The following PPP1R7 variants were observed in gnomAD, a reference collection of about 807,000 sequenced individuals.
PPP1R7 encodes the protein protein phosphatase 1 regulatory subunit 22.
Under a neutral mutation model 45.2 loss-of-function variants are expected in PPP1R7, and 18 were observed. The ratio of observed to expected loss-of-function variants is 0.40; its 90% CI spans 0.28 to 0.59. The LOEUF is 0.59. Ranked by LOEUF, PPP1R7 falls within the 20% of genes least tolerant of loss-of-function variation. The pLI, the probability that PPP1R7 is intolerant of heterozygous loss-of-function variation, is 0.46. For synonymous variants in PPP1R7, 181 were observed against 183.4 expected (o/e 0.99, Z 0.11); for missense variants, 314 against 455.8 (o/e 0.69, Z 2.83).
intron 1 of PPP1R7, among the ~76,000 whole-genome samples, chr2:241,150,778 G>C (rs1351270160): frequency 6.6e-6 from 1 of 152,034 alleles, no homozygotes; most frequent in Non-Finnish European, 1.5e-5. Context: ...GGGGGAGAGC[G>C]GCGGCGCGAG....
At chr2:241,167,122 TG>T in intron 8 of PPP1R7, 1 of 1,563,118 alleles carries the variant, frequency 6.4e-7, no homozygotes, top group Non-Finnish European at 8.8e-7. Context: ...CAGCTCACCC[TG>T]CTCTGCCCCA....
chr2:241,169,475 A>T (rs2067777725), intron 8 of PPP1R7, among the ~76,000 whole-genome samples: 2 of 152,226 alleles, frequency 1.3e-5, no homozygotes, highest in Non-Finnish European at 2.9e-5. Flanking sequence ...CATCAGTCTC[A>T]CTAGGTCTGT....
At chr2:241,176,460 C>CTTTT (rs71404687) in intron 9 of PPP1R7, among the ~76,000 whole-genome samples, 1 of 142,948 alleles carries the variant, frequency 7.0e-6, no homozygotes, top group African/African-American at 2.6e-5. Flanking sequence ...TTTTTTCTTT[C>CTTTT]TTTTTTTTTT....
chr2:241,150,179 T>C (rs2067219207), upstream of PPP1R7: 48 of 1,276,402 alleles, frequency 3.8e-5, no homozygotes, highest in South Asian at 1.0e-3. Context: ...GTCTCTCCAC[T>C]CTGCCTAGAC....
intron 2 of PPP1R7, among the ~76,000 whole-genome samples, chr2:241,156,614 C>T (rs769053970): frequency 2.0e-5 from 3 of 152,142 alleles, no homozygotes; most frequent in Non-Finnish European, 4.4e-5. Context: ...TTCAAGGCTG[C>T]AGTGAGCTAT....
At chr2:241,162,059 G>A (rs555197784) in intron 6 of PPP1R7, among the ~76,000 whole-genome samples, 76 of 152,328 alleles carry the variant, frequency 5.0e-4, no homozygotes, top group African/African-American at 1.8e-3. Context: ...TTTGGCAACA[G>A]TCTCTTGACA....
At chr2:241,153,330 C>T in intron 1 of PPP1R7, 146 bp from the exon 2 acceptor site, 1 of 1,091,240 alleles carries the variant, frequency 9.2e-7, no homozygotes, top group South Asian at 1.5e-5. Flanking sequence ...GGTGCTGGGA[C>T]ATGGGAGACA....
At chr2:241,166,730 G>A (rs949801026) in intron 8 of PPP1R7, among the ~76,000 whole-genome samples, 3 of 152,166 alleles carry the variant, frequency 2.0e-5, no homozygotes, top group African/African-American at 7.2e-5. Flanking sequence ...CCTCAATGGG[G>A]CAGCATCCAT....
intron 9 of PPP1R7, among the ~76,000 whole-genome samples, chr2:241,173,502 ATT>A (rs1317378274): frequency 6.6e-6 from 1 of 151,614 alleles, no homozygotes; most frequent in Non-Finnish European, 1.5e-5. Flanking sequence ...ATTGTTTCTT[ATT>A]TTGTTTTGTT....
At position 241,182,834 on chromosome 2, in the gene PPP1R7, GCTC is replaced by G. The variant is rs527481900; in HGVS notation, c.*15_*17del. 193 of 1,604,692 alleles carry G rather than the reference GCTC, an allele frequency of 1.2e-4. 1 individual carries two copies. In the African/African-American group the frequency reaches 2.3e-3, roughly 19 times the overall value. On this transcript the variant is annotated 3_prime_UTR_variant, in exon 10 of 10. Transcript: ENST00000234038. ...TTCGTCAGGTTCTGAGTCCTTCTTG[GCTC>G]CTCATGTGGTCCCTCTCCTCGGAAG...
chr2:241,162,428 C>T (rs547465854), intron 6 of PPP1R7, among the ~76,000 whole-genome samples: 1 of 152,314 alleles, frequency 6.6e-6, no homozygotes, highest in African/African-American at 2.4e-5. Context: ...ATTAAACATC[C>T]TGCTGTAGGC....
At chr2:241,150,591 G>A (rs769607652) in intron 1 of PPP1R7, 44 bp downstream of exon 1, 7 of 1,564,416 alleles carry the variant, frequency 4.5e-6, no homozygotes, top group East Asian at 2.5e-5. Flanking sequence ...CCAGCGGGCG[G>A]GGGGAGCTGC....
intron 9 of PPP1R7, among the ~76,000 whole-genome samples, chr2:241,174,647 A>G (rs1333192281): frequency 6.6e-6 from 1 of 151,790 alleles, no homozygotes; most frequent in African/African-American, 2.4e-5. Context: ...TGTCTGATGT[A>G]TAAAAACAAT....
At chr2:241,157,960 G>T in intron 3 of PPP1R7, 98 bp downstream of exon 3, 1 of 1,286,848 alleles carries the variant, frequency 7.8e-7, no homozygotes. Context: ...TAGAGAGGTG[G>T]CCTAAGCCTC....
At position 241,157,793 on chromosome 2, in the gene PPP1R7, T is replaced by A. The variant is rs1323916189; in HGVS notation, c.182-14T>A. On this transcript the variant is annotated splice_polypyrimidine_tract_variant and intron_variant, in intron 2 of 9. Coordinates refer to ENST00000234038, the MANE Select transcript of PPP1R7 (RefSeq NM_002712.3). ...ATGGGGTTCTGAACAAATCTCTTTT[T>A]CTTATTTTTTCAGAAGAACATGAGC... 3.1e-6 allele frequency: 5 copies of A among 1,611,510 alleles called. No homozygotes were observed. Among genetic ancestry groups the A allele is most frequent in the Non-Finnish European group, 4.2e-6 (5 of 1,177,830 alleles).
At position 241,168,514 on chromosome 2, in the gene PPP1R7, G is replaced by A. The variant is rs141121950; in HGVS notation, c.820-1267G>A. On this transcript the variant is annotated intron_variant, in intron 8 of 9. Transcript: ENST00000234038. ...GTGTGTCGTTGGATTACCCACAGTCGCGTCTTCTGCAACATTTTCCTGCAG... is the reference window on the plus strand; with the variant it reads ...GTGTGTCGTTGGATTACCCACAGTCACGTCTTCTGCAACATTTTCCTGCAG... Among the ~76,000 whole-genome samples the A allele has an allele frequency of 9.2e-5, 14 of 152,312 alleles. No homozygotes were observed. The East Asian group carries it at 9.6e-4, about 10-fold the overall frequency.
chr2:241,179,888 A>G (rs549118367), intron 9 of PPP1R7, among the ~76,000 whole-genome samples: 1 of 152,354 alleles, frequency 6.6e-6, no homozygotes. Flanking sequence ...ACAATGCACC[A>G]TTGGTGGTGA....
chr2:241,157,299 C>T (rs920449232), intron 2 of PPP1R7, among the ~76,000 whole-genome samples: 1 of 152,166 alleles, frequency 6.6e-6, no homozygotes, highest in African/African-American at 2.4e-5. Context: ...GCTGGGCCAC[C>T]TTCCAAAGCA....
At chr2:241,151,181 T>G (rs1002036326) in intron 1 of PPP1R7, among the ~76,000 whole-genome samples, 3 of 152,250 alleles carry the variant, frequency 2.0e-5, no homozygotes, top group Non-Finnish European at 4.4e-5. Context: ...TCTGCATATC[T>G]GTAGGTACAG....
Sources: gnomAD v4.1 joint callset for allele counts (sites outside exome capture counted in the v4.1 genomes callset) on GRCh38, gnomAD v4.1.1 for gene constraint, MANE v1.5 for transcripts, NCBI Gene and HGNC (gene_info 2026-07-23, HGNC 2026-07-21) for gene names.